Variants in KCNN2 observed in about 807,000 individuals in gnomAD.
KCNN2 encodes the protein small conductance calcium-activated potassium channel protein 2.
A neutral mutation model predicts 55.5 loss-of-function variants in KCNN2; 24 were observed. The ratio of observed to expected loss-of-function variants is 0.43; its 90% confidence interval spans 0.31 to 0.61. The LOEUF (loss-of-function observed/expected upper bound fraction) is 0.61, where lower values mean the gene tolerates loss of function less well. Among genes scored for constraint, KCNN2 ranks in the 20% least tolerant of loss-of-function variants. The pLI is 0.08. For missense variants in KCNN2, 754 were observed against 853.6 expected, an observed-to-expected ratio of 0.88 and a Z score of 1.45; for synonymous variants, 431 against 336.1, an observed-to-expected ratio of 1.28 and a Z score of -3.09.
chr5:114,380,789 A>C (rs1170137870), intron 2 of KCNN2, among the ~76,000 whole-genome samples: 2 of 152,140 alleles, frequency 1.3e-5, no homozygotes, highest in East Asian at 3.9e-4. Context: ...AGAGTAGTGA[A>C]ATGCCTGGTA....
rs1245745679 is a variant in KCNN2, at chr5:114,139,559, A to G, written c.-270-81921A>G. On this transcript the variant is annotated intron_variant, in intron 1 of 10. Coordinates refer to the KCNN2 transcript ENST00000512097. ...AGAGGTTATTATAGTGGCTGAATAGATATTATAATAATAATTTAATGAATA... is the reference window on the plus strand; with the variant it reads ...AGAGGTTATTATAGTGGCTGAATAGGTATTATAATAATAATTTAATGAATA... Among the ~76,000 whole-genome samples, 8 of 150,122 alleles carry G rather than the reference A, an allele frequency of 5.3e-5. No homozygotes were observed. The East Asian group carries it at 1.6e-3, about 29-fold the overall frequency.
intron 1 of KCNN2, among the ~76,000 whole-genome samples, chr5:114,152,230 G>A (rs1481384876): frequency 6.6e-6 from 1 of 152,026 alleles, no homozygotes; most frequent in Non-Finnish European, 1.5e-5. Flanking sequence ...CCTTTAAAAA[G>A]TCATGTTTTG....
intron 2 of KCNN2, among the ~76,000 whole-genome samples, chr5:114,387,302 T>C (rs146404734): frequency 7.2e-4 from 109 of 152,326 alleles, no homozygotes; most frequent in African/African-American, 2.5e-3. Context: ...GTCTATTTTG[T>C]CATGGTATTT....
At chr5:114,299,740 T>G (rs538105254) in intron 2 of KCNN2, among the ~76,000 whole-genome samples, 1 of 152,264 alleles carries the variant, frequency 6.6e-6, no homozygotes, top group Non-Finnish European at 1.5e-5. Context: ...TGTTGCAACT[T>G]CAGGTCCTTT....
intron 2 of KCNN2, among the ~76,000 whole-genome samples, chr5:114,229,743 A>G (rs1451847352): frequency 1.7e-5 from 1 of 60,182 alleles, no homozygotes; most frequent in Non-Finnish European, 4.0e-5. Context: ...GGAAAAGTCT[A>G]ATTACTGTTG....
At chr5:114,191,353 C>T (rs1753444527) in intron 1 of KCNN2, among the ~76,000 whole-genome samples, 1 of 152,068 alleles carries the variant, frequency 6.6e-6, no homozygotes, top group African/African-American at 2.4e-5. Flanking sequence ...CCTGCAATAA[C>T]TGAAGAACCT....
intron 1 of KCNN2, among the ~76,000 whole-genome samples, chr5:114,167,620 T>C (rs1444255599): frequency 6.6e-6 from 1 of 152,096 alleles, no homozygotes; most frequent in Non-Finnish European, 1.5e-5. Context: ...AGAGTTACTA[T>C]CTGTTTTGTT....
In KCNN2 at chr5:114,315,461, GTGTGTATATA is replaced by G. The variant is rs1344181447; in HGVS notation, c.-184-45482_-184-45473del. Reference sequence around the variant, plus strand: ...TGTGTGTGTGTGTGTGTGTGTGTGTGTGTGTATATATATATAAAACTTCTGTTTTAAAAGT... The same window carrying G: ...TGTGTGTGTGTGTGTGTGTGTGTGTGTATATAAAACTTCTGTTTTAAAAGT... On this transcript the variant is annotated intron_variant, in intron 2 of 10. Transcript: ENST00000512097. 4.0e-3 allele frequency among the ~76,000 whole-genome samples: 375 copies of G among 94,310 alleles called. 1 individual carries two copies. The highest frequency in any genetic ancestry group is 0.015 in the African/African-American group (308 of 20,020). 61.9% of individuals were successfully genotyped at this position (94,310 alleles called of 152,430 possible). A position where few individuals can be genotyped will look rare whatever the true frequency, so the allele number is the denominator to read the frequency against.
chr5:114,166,406 T>C (rs1166193443), intron 1 of KCNN2, among the ~76,000 whole-genome samples: 1 of 152,138 alleles, frequency 6.6e-6, no homozygotes. Context: ...GCGGTATGTC[T>C]CTGATCAACT....
intron 2 of KCNN2, among the ~76,000 whole-genome samples, chr5:114,286,056 A>G (rs1190735738): frequency 6.6e-6 from 1 of 151,894 alleles, no homozygotes; most frequent in East Asian, 1.9e-4. Context: ...AGTAGCTGGG[A>G]TTACAGGCAT....
intron 1 of KCNN2, among the ~76,000 whole-genome samples, chr5:114,071,845 G>A (rs550748145): frequency 6.6e-6 from 1 of 152,308 alleles, no homozygotes; most frequent in Admixed American, 6.5e-5. Flanking sequence ...GTCCCCCAAA[G>A]TTCACATGTT....
chr5:114,432,470 A>T (rs970022982), intron 3 of KCNN2, among the ~76,000 whole-genome samples: 2 of 139,130 alleles, frequency 1.4e-5, no homozygotes, highest in Non-Finnish European at 3.2e-5. Context: ...CTTTATTATT[A>T]AAGTGGGTTT....
At chr5:114,087,261 G>A (rs2112549458) in intron 1 of KCNN2, among the ~76,000 whole-genome samples, 1 of 152,126 alleles carries the variant, frequency 6.6e-6, no homozygotes, top group South Asian at 2.1e-4. Context: ...CTTTTGTGGT[G>A]CAGAAGCTTT....
chr5:114,312,434 CATATATATATATATATATATAT>C (rs59964515), intron 2 of KCNN2, among the ~76,000 whole-genome samples: 9 of 23,430 alleles, frequency 3.8e-4, no homozygotes, highest in African/African-American at 7.3e-4. Context: ...CACACACACA[CATATATATATATATATATATAT>C]ATATATATAT....
At chr5:114,156,670 T>C (rs1383294150) in intron 1 of KCNN2, among the ~76,000 whole-genome samples, 1 of 152,162 alleles carries the variant, frequency 6.6e-6, no homozygotes, top group Non-Finnish European at 1.5e-5. Context: ...TTTCATGATT[T>C]GGCTCTTGGC....
chr5:114,102,358 TG>T (rs1751390661), intron 1 of KCNN2, among the ~76,000 whole-genome samples: 1 of 152,130 alleles, frequency 6.6e-6, no homozygotes, highest in Non-Finnish European at 1.5e-5. Context: ...ATGGATAGAT[TG>T]CAAAAATTTT....
intron 1 of KCNN2, among the ~76,000 whole-genome samples, chr5:114,060,711 T>A (rs1750308327): frequency 6.6e-6 from 1 of 152,202 alleles, no homozygotes; most frequent in African/African-American, 2.4e-5. Flanking sequence ...CTGTAAAATG[T>A]GGATAATAAC....
chr5:114,195,669 T>A (rs1008963336), intron 1 of KCNN2, among the ~76,000 whole-genome samples: 1 of 152,018 alleles, frequency 6.6e-6, no homozygotes, highest in African/African-American at 2.4e-5. Flanking sequence ...GGATGCCTTT[T>A]ATATCTTTTT....
At chr5:114,102,424 G>A (rs560929847) in intron 1 of KCNN2, among the ~76,000 whole-genome samples, 45 of 152,238 alleles carry the variant, frequency 3.0e-4, no homozygotes, top group African/African-American at 1.1e-3. Context: ...TTGCTGTGCA[G>A]AAGCTCTTTA....
Sources: allele counts gnomAD v4.1 joint callset (sites outside exome capture counted in the v4.1 genomes callset), GRCh38; gene constraint gnomAD v4.1.1; transcripts MANE v1.5; gene names NCBI Gene and HGNC (gene_info 2026-07-23, HGNC 2026-07-21).